Variants in CHLSN observed in about 807,000 individuals in gnomAD.
CHLSN encodes cholesin.
the CHLSN span, among the ~76,000 whole-genome samples, chr7:1,113,817 C>T: frequency 6.6e-6 from 1 of 152,186 alleles, no homozygotes; most frequent in African/African-American, 2.4e-5. Flanking sequence ...GGTGCAGAAA[C>T]TCTGAGCCAT....
chr7:996,529 C>G, the CHLSN span, among the ~76,000 whole-genome samples: 1 of 152,238 alleles, frequency 6.6e-6, no homozygotes, highest in Non-Finnish European at 1.5e-5. Flanking sequence ...ACCTGGGTGT[C>G]TGCTCTGTGG....
the CHLSN span, chr7:983,510 C>T: frequency 6.5e-5 from 64 of 985,792 alleles, no homozygotes; most frequent in African/African-American, 8.5e-4. Context: ...CAGCGGGGCA[C>T]GCAGGAGGCC....
the CHLSN span, among the ~76,000 whole-genome samples, chr7:1,030,213 C>T: frequency 6.6e-6 from 1 of 152,152 alleles, no homozygotes; most frequent in African/African-American, 2.4e-5. Context: ...TTCCCGAACG[C>T]AACGACCCAC....
chr7:1,010,775 C>T, the CHLSN span, among the ~76,000 whole-genome samples: 27 of 152,162 alleles, frequency 1.8e-4, no homozygotes, highest in African/African-American at 6.3e-4. Context: ...AAGAAGAGGA[C>T]GGTGCAAAGC....
At chr7:1,135,495 G>A in the CHLSN span, among the ~76,000 whole-genome samples, 2 of 151,728 alleles carry the variant, frequency 1.3e-5, no homozygotes, top group East Asian at 1.9e-4. Flanking sequence ...GGCCGGGCAC[G>A]GTGGCTCACG....
chr7:1,088,259 A>G, the CHLSN span: 1 of 152,192 alleles, frequency 6.6e-6, no homozygotes. This position sits in a 1 kb window ranked among gnomAD's most constrained non-coding sequence, Gnocchi z 4.5. Context: ...TTCCAAGTGC[A>G]CCTCCAGCCT....
chr7:1,033,123 A>G, the CHLSN span, among the ~76,000 whole-genome samples: 2 of 152,290 alleles, frequency 1.3e-5, no homozygotes, highest in South Asian at 2.1e-4. Flanking sequence ...TGATACCCAA[A>G]CCAGATGAAA....
chr7:1,137,149 C>T, the CHLSN span, among the ~76,000 whole-genome samples: 4 of 152,132 alleles, frequency 2.6e-5, no homozygotes, highest in African/African-American at 9.7e-5. Context: ...GAACTCACCT[C>T]CTCTTTCTCT....
At chr7:1,008,794 A>G in the CHLSN span, among the ~76,000 whole-genome samples, 1 of 150,374 alleles carries the variant, frequency 6.7e-6, no homozygotes, top group East Asian at 1.9e-4. Flanking sequence ...GCACATGTAC[A>G]CACGTGTATA....
At chr7:1,058,357 C>T in the CHLSN span, 1 of 779,734 alleles carries the variant, frequency 1.3e-6, no homozygotes, top group South Asian at 1.3e-5. Context: ...AAGGATTTCT[C>T]CAAACTCCTG....
the CHLSN span, among the ~76,000 whole-genome samples, chr7:1,101,846 C>T: frequency 7.9e-3 from 1,207 of 152,382 alleles, 20 homozygotes; most frequent in African/African-American, 0.028. Flanking sequence ...GGACACAGCA[C>T]GAAGCCCTGC....
chr7:1,074,670 G>A, the CHLSN span: 10 of 152,144 alleles, frequency 6.6e-5, no homozygotes, highest in African/African-American at 2.2e-4. Flanking sequence ...TCCCTAAGGC[G>A]TCTGTGTCCG....
chr7:1,130,035 A>G, the CHLSN span, among the ~76,000 whole-genome samples: 1 of 152,144 alleles, frequency 6.6e-6, no homozygotes, highest in East Asian at 1.9e-4. Flanking sequence ...ATCACAGGAC[A>G]CCTGGCACCC....
At chr7:1,076,430 C>T in the CHLSN span, among the ~76,000 whole-genome samples, 1 of 152,194 alleles carries the variant, frequency 6.6e-6, no homozygotes, top group African/African-American at 2.4e-5. Flanking sequence ...CCCTCCCAGG[C>T]ATGGGCTCTG....
the CHLSN span, among the ~76,000 whole-genome samples, chr7:1,105,138 G>C: frequency 0.24 from 36,592 of 152,116 alleles, 4,734 homozygotes; most frequent in African/African-American, 0.29. Context: ...CTGGGTAAAA[G>C]GGCCAGGGCA....
At chr7:1,101,705 C>T in the CHLSN span, among the ~76,000 whole-genome samples, 107 of 152,372 alleles carry the variant, frequency 7.0e-4, no homozygotes, top group African/African-American at 2.3e-3. Flanking sequence ...CCACTCAGCA[C>T]GGCCACGGCA....
At chr7:1,059,934 G>A in the CHLSN span, among the ~76,000 whole-genome samples, 6 of 122,234 alleles carry the variant, frequency 4.9e-5, no homozygotes, top group South Asian at 2.9e-4. Flanking sequence ...GGTCTTAGTG[G>A]GGCGGGTCCG....
chr7:1,041,169 G>A, the CHLSN span, among the ~76,000 whole-genome samples: 1 of 152,266 alleles, frequency 6.6e-6, no homozygotes, highest in Non-Finnish European at 1.5e-5. Flanking sequence ...GCAAGGTGGT[G>A]GCCACATGCT....
At chr7:1,056,671 G>T in the CHLSN span, 2 of 152,252 alleles carry the variant, frequency 1.3e-5, no homozygotes, top group African/African-American at 4.8e-5. Context: ...TGGCGGGTGA[G>T]GACCCACTCC....
Sources: gnomAD v4.1 joint callset for allele counts (sites outside exome capture counted in the v4.1 genomes callset) on GRCh38, gnomAD v4.1.1 for gene constraint, Gnocchi (gnomAD v3.1) non-coding constraint, MANE v1.5 for transcripts, NCBI Gene and HGNC (gene_info 2026-07-23, HGNC 2026-07-21) for gene names.